Variants in FYN observed in about 807,000 individuals in gnomAD.
The protein encoded by FYN is tyrosine-protein kinase Fyn.
In FYN, 10 loss-of-function variants were observed where a neutral mutation model predicts 70.2. That is an observed-to-expected ratio of 0.14 (90% CI 0.09 to 0.24). FYN has a LOEUF of 0.24. FYN is among the 10% of genes least tolerant of loss of function. The pLI is 1.00. For synonymous variants in FYN, 236 were observed against 248.6 expected (o/e 0.95, Z 0.48); for missense variants, 319 against 673.1 (o/e 0.47, Z 5.82).
chr6:111,684,408 G>T (rs1798905344), intron 12 of FYN, among the ~76,000 whole-genome samples: 1 of 152,160 alleles, frequency 6.6e-6, no homozygotes, highest in Non-Finnish European at 1.5e-5. Flanking sequence ...GTCCATCAGT[G>T]GGTATTAAAA....
At chr6:111,665,772 C>A (rs1797971943) in intron 13 of FYN, among the ~76,000 whole-genome samples, 2 of 147,378 alleles carry the variant, frequency 1.4e-5, no homozygotes, top group Admixed American at 6.8e-5. Context: ...CAGGTGCATG[C>A]CACTACACCT....
intron 12 of FYN, among the ~76,000 whole-genome samples, chr6:111,678,244 C>A (rs938217658): frequency 6.6e-6 from 1 of 151,758 alleles, no homozygotes; most frequent in Admixed American, 6.6e-5. Context: ...ATTGCCGAAA[C>A]CTCGACTTGT....
chr6:111,794,597 G>T (rs1178262483), intron 2 of FYN, among the ~76,000 whole-genome samples: 1 of 152,084 alleles, frequency 6.6e-6, no homozygotes, highest in Admixed American at 6.5e-5. Flanking sequence ...ACTGAGAATG[G>T]TTTTTACATT....
At chr6:111,832,018 G>A (rs1039121373) in intron 2 of FYN, among the ~76,000 whole-genome samples, 1 of 152,160 alleles carries the variant, frequency 6.6e-6, no homozygotes, top group Non-Finnish European at 1.5e-5. Context: ...CAAAGTTTGA[G>A]GAAAACATGC....
At chr6:111,811,179 G>T (rs188331009) in intron 2 of FYN, among the ~76,000 whole-genome samples, 1 of 152,258 alleles carries the variant, frequency 6.6e-6, no homozygotes, top group East Asian at 1.9e-4. Flanking sequence ...AGGTACACAA[G>T]ATACAGAAAG....
chr6:111,790,086 C>G (rs1771554746), intron 2 of FYN, among the ~76,000 whole-genome samples: 1 of 142,352 alleles, frequency 7.0e-6, no homozygotes. Context: ...TCTTTAGTAT[C>G]AGAACTGTGT....
intron 2 of FYN, among the ~76,000 whole-genome samples, chr6:111,839,731 G>T (rs949766960): frequency 2.0e-5 from 3 of 152,144 alleles, no homozygotes; most frequent in Non-Finnish European, 4.4e-5. Flanking sequence ...TAGGAAAAAA[G>T]GATTTTTCAG....
At chr6:111,797,679 T>C (rs1194748938) in intron 2 of FYN, among the ~76,000 whole-genome samples, 1 of 67,600 alleles carries the variant, frequency 1.5e-5, no homozygotes, top group Non-Finnish European at 2.3e-5. Context: ...TATATATATA[T>C]ATATATATAT....
intron 3 of FYN, among the ~76,000 whole-genome samples, chr6:111,774,389 A>G (rs2128503006): frequency 6.6e-6 from 1 of 152,250 alleles, no homozygotes; most frequent in Non-Finnish European, 1.5e-5. Context: ...ATTCTAGTAC[A>G]ACCTCAGAGC....
At chr6:111,771,355 G>A (rs1803443797) in intron 3 of FYN, among the ~76,000 whole-genome samples, 1 of 152,134 alleles carries the variant, frequency 6.6e-6, no homozygotes, top group African/African-American at 2.4e-5. Context: ...ATATGTAGAA[G>A]GAAATGTATT....
At chr6:111,737,610 C>G (rs1801766141) in intron 3 of FYN, among the ~76,000 whole-genome samples, 1 of 152,244 alleles carries the variant, frequency 6.6e-6, no homozygotes, top group South Asian at 2.1e-4. Context: ...TATCTAGAAG[C>G]TCTCCAAACT....
At chr6:111,746,416 T>C (rs1186144569) in intron 3 of FYN, among the ~76,000 whole-genome samples, 1 of 152,222 alleles carries the variant, frequency 6.6e-6, no homozygotes, top group Non-Finnish European at 1.5e-5. Context: ...ATAAAGGTAA[T>C]CATACAGTAT....
rs142947181 is a variant in FYN at position 111,834,605 on chromosome 6, C to T, written c.-82+11984G>A. Among the ~76,000 whole-genome samples the T allele has an allele frequency of 1.1e-3, 170 of 152,304 alleles. 1 individual carries two copies. Among genetic ancestry groups the T allele is most frequent in the African/African-American group, 3.9e-3 (161 of 41,566 alleles). On this transcript the variant is annotated intron_variant, in intron 2 of 13. Transcript: ENST00000354650. ...GAAGGTGAAACCCAGCAGGGATGTA[C>T]AGAAGGTGGTGCCAACCTTGCTGCA...
chr6:111,698,900 T>C (rs1407667999), intron 9 of FYN, among the ~76,000 whole-genome samples: 1 of 151,984 alleles, frequency 6.6e-6, no homozygotes, highest in Non-Finnish European at 1.5e-5. Context: ...CTGGCCAACA[T>C]GGTGAAACTC....
intron 2 of FYN, among the ~76,000 whole-genome samples, chr6:111,791,167 T>C (rs1007237452): frequency 1.3e-5 from 2 of 152,124 alleles, no homozygotes; most frequent in African/African-American, 4.8e-5. Context: ...AGATTCACTA[T>C]AGAGTAATAG....
rs377152902 is a variant in FYN at position 111,820,248 on chromosome 6, C to A, written c.-82+26341G>T. Among the ~76,000 whole-genome samples the A allele has an allele frequency of 3.2e-4, 48 of 152,272 alleles. 1 individual carries two copies. The highest frequency in any genetic ancestry group is 1.2e-3 in the African/African-American group (48 of 41,550). ...GTTAAGGCAATTCTCTTTATATAAC[C>A]ATTATGCATTTATATTCCCTTTAAA... On this transcript the variant is annotated intron_variant, in intron 2 of 13. Transcript: ENST00000354650.
At chr6:111,837,878 G>GTCACAGGATAGAAGGTCAATAGA (rs1773239019) in intron 2 of FYN, among the ~76,000 whole-genome samples, 1 of 152,180 alleles carries the variant, frequency 6.6e-6, no homozygotes, top group Non-Finnish European at 1.5e-5. Flanking sequence ...GAGGGACTAT[G>GTCACAGGATAGAAGGTCAATAGA]CAAATGCACA....
Position 111,694,605 on chromosome 6 carries a change from T to G in FYN, c.1119+23A>C. The G allele has an allele frequency of 6.2e-7, 1 of 1,613,820 alleles. No individual in the cohort carries two copies. The highest frequency in any genetic ancestry group is 8.5e-7 in the Non-Finnish European group (1 of 1,179,794). On this transcript the variant is annotated intron_variant, in intron 11 of 13. Transcript: ENST00000354650. The surrounding 1 kb of genome is among the most constrained non-coding windows in gnomAD (Gnocchi z 5.0). ...GACACGTCATTAAATCTATGGCACA[T>G]CAAGTTACCCTGCAGGGCCTACCTG...
chr6:111,739,089 G>A (rs1427208587), intron 3 of FYN, among the ~76,000 whole-genome samples: 1 of 152,142 alleles, frequency 6.6e-6, no homozygotes, highest in Non-Finnish European at 1.5e-5. Flanking sequence ...ATTTTGAACT[G>A]AAGTGACCCC....
Sources: gnomAD v4.1 joint callset for allele counts (sites outside exome capture counted in the v4.1 genomes callset) on GRCh38, gnomAD v4.1.1 for gene constraint, Gnocchi (gnomAD v3.1) non-coding constraint, MANE v1.5 for transcripts, NCBI Gene and HGNC (gene_info 2026-07-23, HGNC 2026-07-21) for gene names.